The following NKD1 variants were observed in gnomAD, a reference collection of about 807,000 sequenced individuals.
The protein encoded by NKD1 is NKD inhibitor of Wnt signaling pathway 1.
In NKD1, 21 loss-of-function variants were observed where a neutral mutation model predicts 56.0. That is an observed-to-expected ratio of 0.38 (90% CI 0.27 to 0.54). NKD1 has a LOEUF of 0.54. NKD1 is among the 20% of genes least tolerant of loss of function. The pLI, the probability that NKD1 is intolerant of heterozygous loss-of-function variation, is 0.82. For synonymous variants in NKD1, 263 were observed against 265.7 expected, an observed-to-expected ratio of 0.99 and a Z score of 0.10; for missense variants, 578 against 642.7, an observed-to-expected ratio of 0.90 and a Z score of 1.09.
chr16:50,624,557 C>T (rs1354293601), intron 5 of NKD1, among the ~76,000 whole-genome samples: 4 of 152,214 alleles, frequency 2.6e-5, no homozygotes, highest in Non-Finnish European at 4.4e-5. Flanking sequence ...TTCCTGTTTC[C>T]AATTCCCATA....
At chr16:50,550,991 C>T (rs1039552492) in intron 3 of NKD1, among the ~76,000 whole-genome samples, 1 of 152,066 alleles carries the variant, frequency 6.6e-6, no homozygotes, top group Non-Finnish European at 1.5e-5. Flanking sequence ...TGCCAGGCAG[C>T]TTGCTCCATG....
rs555065298 is a variant in NKD1 at position 50,583,491 on chromosome 16, C to T, written c.193-24803C>T. On this transcript the variant is annotated intron_variant, in intron 3 of 9. Coordinates refer to ENST00000268459, the MANE Select transcript of NKD1 (RefSeq NM_033119.5). ...CAGACAAACTCCTGATGACAGCAGC[C>T]CCAGCCTTCCTCCCCCTGCAACCAC... Among the ~76,000 whole-genome samples, 3 of 152,272 alleles carry T rather than the reference C, an allele frequency of 2.0e-5. No homozygotes were observed. The South Asian group carries it at 6.2e-4, about 32-fold the overall frequency.
chr16:50,563,742 C>G (rs1960696384), intron 3 of NKD1, among the ~76,000 whole-genome samples: 1 of 141,526 alleles, frequency 7.1e-6, no homozygotes, highest in Non-Finnish European at 1.5e-5. Context: ...GGAGAAGACC[C>G]TGTGTGTCAG....
Position 50,574,152 on chromosome 16 carries a change from A to G in NKD1, c.192+24597A>G, listed in dbSNP as rs1038483161. 84 of 939,696 alleles carry G rather than the reference A, an allele frequency of 8.9e-5. 1 individual carries two copies. In the African/African-American group the frequency reaches 1.5e-3, roughly 16 times the overall value. The allele number at this position is 939,696 out of a possible 1,614,324, so 58.2% of individuals were successfully genotyped here. On this transcript the variant is annotated intron_variant, in intron 3 of 9. Transcript: ENST00000268459. ...ATTGGGTGATAGAACTTGATGCTGGATCCAAATGCAGGACTGCCTATGTTC... is the reference window on the plus strand; with the variant it reads ...ATTGGGTGATAGAACTTGATGCTGGGTCCAAATGCAGGACTGCCTATGTTC...
intron 5 of NKD1, among the ~76,000 whole-genome samples, chr16:50,624,435 G>T (rs1433099645): frequency 6.6e-6 from 1 of 152,186 alleles, no homozygotes; most frequent in Non-Finnish European, 1.5e-5. Context: ...TTATTTCAAT[G>T]ACTGTTAATC....
rs1336689130 is a variant in NKD1, at chr16:50,637,418, AT to A, written c.*3639del. The A allele has an allele frequency of 6.6e-6, 1 of 152,086 alleles. No homozygotes were observed. Among genetic ancestry groups the A allele is most frequent in the Non-Finnish European group, 1.5e-5 (1 of 68,018 alleles). 9.4% of individuals were successfully genotyped at this position (152,086 alleles called of 1,614,324 possible). On this transcript the variant is annotated 3_prime_UTR_variant, in exon 10 of 10. Transcript: ENST00000268459. ...CCCGTTTCTACTAAAAATACAAAAA[AT>A]TAGCTGGGCATGGTGGTGCGTGCCT...
At position 50,623,127 on chromosome 16, in the gene NKD1, C is replaced by T. The variant is rs181180123; in HGVS notation, c.366+1419C>T. On this transcript the variant is annotated intron_variant, in intron 5 of 9. Coordinates refer to ENST00000268459, the MANE Select transcript of NKD1 (RefSeq NM_033119.5). The surrounding 1 kb of genome is among the most constrained non-coding windows in gnomAD (Gnocchi z 4.1). Reference sequence around the variant, plus strand: ...AGCAAAGGCCTGGAGGCTGAAGTGCCGGCGTGCTGTGTGGAGAGAGTGAGT... The same window carrying T: ...AGCAAAGGCCTGGAGGCTGAAGTGCTGGCGTGCTGTGTGGAGAGAGTGAGT... 5.9e-5 allele frequency among the ~76,000 whole-genome samples: 9 copies of T among 152,204 alleles called. No homozygotes were observed. Among genetic ancestry groups the T allele is most frequent in the Admixed American group, 1.3e-4 (2 of 15,298 alleles).
In NKD1 at chr16:50,632,230, C is replaced by T; in HGVS notation, c.696-51C>T. The stretch of plus-strand genomic sequence containing the variant: ...GGCTTCCTAGTAGCCTATGCGCTTG[C>T]CCCCACCTGGTGGTTGGTGTTATCC... On this transcript the variant is annotated intron_variant, in intron 8 of 9. Coordinates refer to ENST00000268459, the MANE Select transcript of NKD1 (RefSeq NM_033119.5). This position sits in a 1 kb window ranked among gnomAD's most constrained non-coding sequence, Gnocchi z 4.1. 1 of 1,603,602 alleles carries T rather than the reference C, an allele frequency of 6.2e-7. No individual in the cohort carries two copies.
chr16:50,624,635 C>T (rs1033736348), intron 5 of NKD1, among the ~76,000 whole-genome samples: 23 of 152,172 alleles, frequency 1.5e-4, no homozygotes, highest in African/African-American at 5.3e-4. Context: ...GGCGCAGGTG[C>T]GAGGAAGGAG....
intron 4 of NKD1, among the ~76,000 whole-genome samples, chr16:50,611,370 G>GGGTCC (rs201075849): frequency 1.3e-5 from 2 of 152,168 alleles, no homozygotes; most frequent in East Asian, 3.8e-4. Context: ...CTGCTCTGCA[G>GGGTCC]CTTCCCTAAA....
At chr16:50,583,526 A>G (rs914613507) in intron 3 of NKD1, among the ~76,000 whole-genome samples, 3 of 152,192 alleles carry the variant, frequency 2.0e-5, no homozygotes, top group Non-Finnish European at 4.4e-5. Flanking sequence ...CACAAGACTC[A>G]GGAGCTACCA....
chr16:50,596,582 T>C (rs927194339), intron 3 of NKD1, among the ~76,000 whole-genome samples: 1 of 152,274 alleles, frequency 6.6e-6, no homozygotes, highest in African/African-American at 2.4e-5. Context: ...TCACATTTTC[T>C]CTGCTGTTTG....
At chr16:50,593,754 A>G (rs1370288298) in intron 3 of NKD1, among the ~76,000 whole-genome samples, 6 of 152,142 alleles carry the variant, frequency 3.9e-5, no homozygotes, top group Non-Finnish European at 7.4e-5. Flanking sequence ...GATAAATAGC[A>G]CTTCATTTTT....
chr16:50,560,523 A>G (rs953011239), intron 3 of NKD1, among the ~76,000 whole-genome samples: 5 of 152,038 alleles, frequency 3.3e-5, no homozygotes, highest in Non-Finnish European at 7.4e-5. Context: ...GAAGTCAACC[A>G]TATTGCCCAA....
rs959146293 is a variant in NKD1 at position 50,636,584 on chromosome 16, TCC to T, written c.*2805_*2806del. ...CAGTTTGCTAGGTTCGAATCCTGAC[TCC>T]CTCTTTGTAGCTCTGTGCTTCAATT... On this transcript the variant is annotated 3_prime_UTR_variant, in exon 10 of 10. Transcript: ENST00000268459. The T allele has an allele frequency of 2.6e-5, 4 of 152,184 alleles. No homozygotes were observed. The highest frequency in any genetic ancestry group is 4.4e-5 in the Non-Finnish European group (3 of 68,050). The allele number at this position is 152,184 out of a possible 1,614,324, so 9.4% of individuals were successfully genotyped here.
chr16:50,605,450 A>T (rs1178350771), intron 3 of NKD1, among the ~76,000 whole-genome samples: 1 of 152,230 alleles, frequency 6.6e-6, no homozygotes, highest in Non-Finnish European at 1.5e-5. Context: ...GGGGCTAATA[A>T]ATACACGCTT....
At position 50,598,459 on chromosome 16, in the gene NKD1, C is replaced by T. The variant is rs1428209809; in HGVS notation, c.193-9835C>T. Reference sequence around the variant, plus strand: ...CAAGCCCCTTCCCTGGGCAGGAGCACACATCCTTTCCCCACAGTGAGGTGG... The same window carrying T: ...CAAGCCCCTTCCCTGGGCAGGAGCATACATCCTTTCCCCACAGTGAGGTGG... On this transcript the variant is annotated intron_variant, in intron 3 of 9. Coordinates refer to ENST00000268459, the MANE Select transcript of NKD1 (RefSeq NM_033119.5). The surrounding 1 kb of genome is among the most constrained non-coding windows in gnomAD (Gnocchi z 4.2). Among the ~76,000 whole-genome samples, 1 of 152,182 alleles carries T rather than the reference C, an allele frequency of 6.6e-6. No individual in the cohort carries two copies. Among genetic ancestry groups the T allele is most frequent in the Non-Finnish European group, 1.5e-5 (1 of 68,028 alleles).
At chr16:50,559,363 G>A (rs191808240) in intron 3 of NKD1, among the ~76,000 whole-genome samples, 3 of 152,316 alleles carry the variant, frequency 2.0e-5, no homozygotes, top group East Asian at 3.9e-4. Context: ...GGAGTGATGC[G>A]TAAGTCGTTA....
At chr16:50,599,563 T>C (rs1228193339) in intron 3 of NKD1, among the ~76,000 whole-genome samples, 1 of 152,194 alleles carries the variant, frequency 6.6e-6, no homozygotes. Flanking sequence ...GTGATGCCCC[T>C]AACGTGCTTC....
Sources: allele counts gnomAD v4.1 joint callset (sites outside exome capture counted in the v4.1 genomes callset), GRCh38; gene constraint gnomAD v4.1.1; non-coding constraint Gnocchi (gnomAD v3.1); transcripts MANE v1.5; gene names NCBI Gene and HGNC (gene_info 2026-07-23, HGNC 2026-07-21).